Variants in FGD4 observed in about 807,000 individuals in gnomAD.
FGD4 encodes FYVE, RhoGEF and PH domain-containing protein 4.
FGD4 carries 42 observed loss-of-function variants against 102.0 expected under a neutral mutation model. The ratio of observed to expected loss-of-function variants is 0.41; its 90% CI spans 0.32 to 0.53. FGD4 has a LOEUF of 0.53. Ranked by LOEUF, FGD4 falls within the 20% of genes least tolerant of loss-of-function variation. FGD4 has a pLI of 0.21. For missense variants in FGD4, 902 were observed against 1,078.2 expected (o/e 0.84, Z 2.29); for synonymous variants, 380 against 375.7 (o/e 1.01, Z -0.13).
At chr12:32,455,147 G>A (rs1294032274) in intron 1 of FGD4, among the ~76,000 whole-genome samples, 6 of 152,146 alleles carry the variant, frequency 3.9e-5, no homozygotes, top group Non-Finnish European at 8.8e-5. Context: ...GAATTAAGAA[G>A]TTTATTCATC....
chr12:32,538,915 G>T (rs945112239), intron 1 of FGD4, among the ~76,000 whole-genome samples: 2 of 152,152 alleles, frequency 1.3e-5, no homozygotes, highest in Non-Finnish European at 2.9e-5. Context: ...TCAGCTGGGC[G>T]TGGTGGCACG....
intron 14 of FGD4, among the ~76,000 whole-genome samples, chr12:32,629,495 A>G (rs543632738): frequency 3.9e-5 from 6 of 152,346 alleles, no homozygotes; most frequent in Admixed American, 2.0e-4. Context: ...ATAATTCAGA[A>G]ATGGACTCAT....
chr12:32,576,630 T>C (rs552158609), intron 3 of FGD4, among the ~76,000 whole-genome samples, 181 bp downstream of exon 3: 1 of 152,358 alleles, frequency 6.6e-6, no homozygotes, highest in African/African-American at 2.4e-5. Context: ...ATATGAACTG[T>C]CATTTACTAT....
At chr12:32,491,132 T>TAAAAAAA (rs72008264) in intron 1 of FGD4, among the ~76,000 whole-genome samples, 5 of 106,554 alleles carry the variant, frequency 4.7e-5, no homozygotes, top group African/African-American at 7.3e-5. Context: ...TTCTGCCAGT[T>TAAAAAAA]AAAAAAAAAA....
In FGD4 at chr12:32,640,656, T is replaced by G; in HGVS notation, c.*123T>G. ...AATATAGGCCCATAAATGCATCTTT[T>G]GAGGACTATTTTCCTATGTTTATGT... On this transcript the variant is annotated 3_prime_UTR_variant, in exon 17 of 17. Transcript: ENST00000534526. 1 of 1,325,538 alleles carries G rather than the reference T, an allele frequency of 7.5e-7. No homozygotes were observed. Among genetic ancestry groups the G allele is most frequent in the Admixed American group, 1.9e-5 (1 of 52,506 alleles). The allele number at this position is 1,325,538 out of a possible 1,614,324, so 82.1% of individuals were successfully genotyped here.
chr12:32,438,444 C>T (rs1299914896), intron 1 of FGD4, among the ~76,000 whole-genome samples: 1 of 152,078 alleles, frequency 6.6e-6, no homozygotes, highest in Non-Finnish European at 1.5e-5. Flanking sequence ...GCAGATTCTT[C>T]AATAAGCTTG....
intron 1 of FGD4, among the ~76,000 whole-genome samples, chr12:32,404,085 TCTTTTTTTTTTTTG>T (rs1940817306): frequency 9.5e-6 from 1 of 105,496 alleles, no homozygotes; most frequent in Non-Finnish European, 1.9e-5. Flanking sequence ...AGTTTTGGGT[TCTTTTTTTTTTTTG>T]CTTGCCTTTG....
At chr12:32,564,059 GA>G in intron 1 of FGD4, 77 bp from the exon 2 acceptor site, 1 of 1,359,344 alleles carries the variant, frequency 7.4e-7, no homozygotes, top group East Asian at 2.6e-5. Context: ...GGGAGTGGGA[GA>G]GGGGAAATTT....
chr12:32,498,292 A>T (rs1937947305), intron 1 of FGD4, among the ~76,000 whole-genome samples: 1 of 152,202 alleles, frequency 6.6e-6, no homozygotes, highest in South Asian at 2.1e-4. Context: ...ACCTCTAGAC[A>T]GTTCCCTTTT....
intron 1 of FGD4, among the ~76,000 whole-genome samples, chr12:32,558,750 C>A (rs1408189456): frequency 1.3e-5 from 2 of 152,206 alleles, no homozygotes; most frequent in African/African-American, 4.8e-5. Flanking sequence ...TAGTGGCAAC[C>A]TCTGCAGTTG....
chr12:32,424,965 A>G (rs1309121875), intron 1 of FGD4, among the ~76,000 whole-genome samples: 2 of 151,982 alleles, frequency 1.3e-5, no homozygotes, highest in Non-Finnish European at 2.9e-5. Flanking sequence ...TAGATTCTGG[A>G]TATTAGCCCT....
chr12:32,508,470 C>A (rs139368939), intron 1 of FGD4, among the ~76,000 whole-genome samples: 5 of 152,266 alleles, frequency 3.3e-5, no homozygotes, highest in Non-Finnish European at 7.4e-5. Flanking sequence ...TTATCACCAC[C>A]ACAATATAGT....
intron 1 of FGD4, among the ~76,000 whole-genome samples, chr12:32,541,941 C>T (rs1942866430): frequency 6.7e-6 from 1 of 148,568 alleles, no homozygotes; most frequent in Admixed American, 6.8e-5. Flanking sequence ...TTTAGTAATC[C>T]ACCCTGCTTT....
At chr12:32,639,489 C>A (rs1420579563) in intron 16 of FGD4, among the ~76,000 whole-genome samples, 2 of 151,974 alleles carry the variant, frequency 1.3e-5, no homozygotes, top group Non-Finnish European at 2.9e-5. Context: ...TTTATTTTTT[C>A]TTTTTGCTCA....
chr12:32,598,494 T>G lies in FGD4; in HGVS notation c.1012-3T>G. ...AATGTGTGAATATCTTTCCAATTTT[T>G]AGGAGACTAATGAGCAAAAACTTCA... On this transcript the variant is annotated splice_region_variant and splice_polypyrimidine_tract_variant and intron_variant, in intron 4 of 16. Transcript: ENST00000534526. 1 of 1,607,368 alleles carries G rather than the reference T, an allele frequency of 6.2e-7. No individual in the cohort carries two copies. Among genetic ancestry groups the G allele is most frequent in the Non-Finnish European group, 8.5e-7 (1 of 1,175,958 alleles).
chr12:32,551,122 G>A (rs1292047817), intron 1 of FGD4, among the ~76,000 whole-genome samples: 1 of 152,146 alleles, frequency 6.6e-6, no homozygotes, highest in East Asian at 1.9e-4. Context: ...GAGGCATTGG[G>A]CAGTGAAGCT....
chr12:32,492,078 ACT>A (rs1944114218), intron 1 of FGD4, among the ~76,000 whole-genome samples: 2 of 152,168 alleles, frequency 1.3e-5, no homozygotes, highest in South Asian at 4.1e-4. Context: ...TCAGATAGTG[ACT>A]CTGGACAATG....
In FGD4 at chr12:32,598,560, G is replaced by A. The variant is rs528790143; in HGVS notation, c.1075G>A (p.Val359Ile). 383 of 1,613,760 alleles carry A rather than the reference G, an allele frequency of 2.4e-4. 8 individuals are homozygous for A. The South Asian group carries it at 4.0e-3, about 17-fold the overall frequency. Residue 359 changes from valine to isoleucine, a missense_variant, in exon 5 of 17, where the codon GTC (valine) becomes ATC (isoleucine). Transcript: ENST00000534526. The part of the protein sequence containing the change: ...NELLLTERAY[V>I]NRLDLLDQVF... Reference sequence around the variant, plus strand: ...ACTTTTGCTTACTGAAAGAGCTTATGTCAACCGACTTGACCTCTTAGATCA... The same window carrying A: ...ACTTTTGCTTACTGAAAGAGCTTATATCAACCGACTTGACCTCTTAGATCA...
chr12:32,412,106 A>G (rs541091746), intron 1 of FGD4, among the ~76,000 whole-genome samples: 6 of 152,248 alleles, frequency 3.9e-5, no homozygotes, highest in Non-Finnish European at 7.3e-5. Context: ...AGAGGGGAAG[A>G]GGAGATAGGG....
Sources: allele counts gnomAD v4.1 joint callset (sites outside exome capture counted in the v4.1 genomes callset), GRCh38; gene constraint gnomAD v4.1.1; transcripts MANE v1.5; gene names NCBI Gene and HGNC (gene_info 2026-07-23, HGNC 2026-07-21).